The following EYS variants were observed in gnomAD, a reference collection of about 807,000 sequenced individuals.
The protein encoded by EYS is protein eyes shut homolog.
In EYS, 250 loss-of-function variants were observed where a neutral mutation model predicts 282.1. The ratio of observed to expected loss-of-function variants is 0.89; its 90% CI spans 0.80 to 0.98. EYS has a LOEUF of 0.98. EYS is among the 50% of genes least tolerant of loss of function. EYS has a pLI of 0.00. For synonymous variants in EYS, 1,355 were observed against 1,282.9 expected (o/e 1.06, Z -1.20); for missense variants, 4,016 against 3,709.0 (o/e 1.08, Z -2.15).
intron 13 of EYS, among the ~76,000 whole-genome samples, chr6:65,056,459 G>T (rs531656505): frequency 2.6e-5 from 4 of 151,828 alleles, no homozygotes; most frequent in Non-Finnish European, 5.9e-5. Context: ...TGATATGCTG[G>T]CATGCACCTG....
intron 33 of EYS, among the ~76,000 whole-genome samples, chr6:64,046,365 C>T (rs1312855996): frequency 6.7e-6 from 1 of 150,230 alleles, no homozygotes; most frequent in African/African-American, 2.4e-5. Flanking sequence ...TTATCTGTTT[C>T]TCTCTCTCTC....
intron 35 of EYS, among the ~76,000 whole-genome samples, chr6:63,951,525 A>G (rs1174198457): frequency 6.6e-6 from 1 of 151,642 alleles, no homozygotes; most frequent in African/African-American, 2.4e-5. Flanking sequence ...TTCCTTTTCT[A>G]CCGACCCATC....
chr6:63,748,527 T>C (rs555865141), intron 41 of EYS, among the ~76,000 whole-genome samples: 93 of 152,334 alleles, frequency 6.1e-4, no homozygotes, highest in Non-Finnish European at 1.2e-3. Flanking sequence ...GAGTCCCTCC[T>C]CATCAATTTT....
chr6:65,002,949 A>T lies in EYS; in HGVS notation c.2138-5246T>A, dbSNP rs543993069. Among the ~76,000 whole-genome samples the T allele has an allele frequency of 2.0e-5, 3 of 147,640 alleles. 1 individual carries two copies. Among genetic ancestry groups the T allele is most frequent in the East Asian group, 4.2e-4 (2 of 4,722 alleles). On this transcript the variant is annotated intron_variant, in intron 13 of 42. Transcript: ENST00000503581. Reference sequence around the variant, plus strand: ...TTTACTTCAATCTCTTAATCCTGTCAGCTGAGGAGGATGTATATCGCCTCA... The same window carrying T: ...TTTACTTCAATCTCTTAATCCTGTCTGCTGAGGAGGATGTATATCGCCTCA...
At chr6:64,649,663 T>G (rs1267004880) in intron 22 of EYS, among the ~76,000 whole-genome samples, 6 of 152,178 alleles carry the variant, frequency 3.9e-5, no homozygotes, top group Non-Finnish European at 7.4e-5. Flanking sequence ...ATAGAAATCA[T>G]AATTGCTTCT....
intron 22 of EYS, among the ~76,000 whole-genome samples, chr6:64,653,285 A>G (rs546774859): frequency 6.4e-4 from 97 of 152,308 alleles, no homozygotes; most frequent in Admixed American, 1.2e-3. Flanking sequence ...TTGATTTCAG[A>G]CTAGCACCAA....
At position 64,137,397 on chromosome 6, in the gene EYS, A is replaced by G. The variant is rs143683300; in HGVS notation, c.6425-55395T>C. ...CAAGATCTTTTCCTTTGCATTCACA[A>G]CTTGGCTAAGTAGTGCAAGAGACCT... On this transcript the variant is annotated intron_variant, in intron 31 of 42. Transcript: ENST00000503581. Among the ~76,000 whole-genome samples the G allele has an allele frequency of 2.0e-5, 3 of 152,236 alleles. No homozygotes were observed. In the East Asian group the frequency reaches 5.8e-4, roughly 29 times the overall value.
chr6:64,368,389 T>C (rs1279102111), intron 29 of EYS, among the ~76,000 whole-genome samples: 1 of 152,136 alleles, frequency 6.6e-6, no homozygotes, highest in African/African-American at 2.4e-5. Flanking sequence ...TTGTGAATAG[T>C]GCTGCGATAA....
intron 22 of EYS, among the ~76,000 whole-genome samples, chr6:64,786,228 A>C (rs1453758142): frequency 1.4e-5 from 2 of 145,244 alleles, no homozygotes; most frequent in East Asian, 4.0e-4. Context: ...CAGAGGGTTT[A>C]ATAGGCAAAA....
chr6:64,103,897 G>A lies in EYS; in HGVS notation c.6425-21895C>T, dbSNP rs527312164. 7.2e-4 allele frequency among the ~76,000 whole-genome samples: 109 copies of A among 152,278 alleles called. 1 individual carries two copies. The highest frequency in any genetic ancestry group is 2.6e-3 in the African/African-American group (108 of 41,572). ...AGACTTTCTGAGCTAGGAGAGACAGGACTTGGCAATGAGTATGTTGTGGGT... is the reference window on the plus strand; with the variant it reads ...AGACTTTCTGAGCTAGGAGAGACAGAACTTGGCAATGAGTATGTTGTGGGT... On this transcript the variant is annotated intron_variant, in intron 31 of 42. Transcript: ENST00000503581.
At chr6:64,390,737 G>T (rs531828030) in intron 28 of EYS, among the ~76,000 whole-genome samples, 1 of 150,352 alleles carries the variant, frequency 6.7e-6, no homozygotes, top group Non-Finnish European at 1.5e-5. Context: ...CCAAAGGAAC[G>T]CAGTTCCTCA....
At chr6:64,186,626 C>T (rs1436180655) in intron 31 of EYS, among the ~76,000 whole-genome samples, 1 of 152,062 alleles carries the variant, frequency 6.6e-6, no homozygotes, top group African/African-American at 2.4e-5. Flanking sequence ...ATCTTGTAAA[C>T]AGAAACAAAT....
At chr6:64,149,312 G>GT (rs1453747656) in intron 31 of EYS, among the ~76,000 whole-genome samples, 1 of 152,116 alleles carries the variant, frequency 6.6e-6, no homozygotes, top group African/African-American at 2.4e-5. Flanking sequence ...CTTTGTATAC[G>GT]TAACGACACA....
intron 12 of EYS, among the ~76,000 whole-genome samples, chr6:65,196,018 C>T (rs1291466505): frequency 1.3e-5 from 2 of 151,928 alleles, no homozygotes; most frequent in Non-Finnish European, 2.9e-5. Flanking sequence ...ATAATGAATG[C>T]CTTGACACAA....
chr6:64,683,269 G>T (rs1409785189), intron 22 of EYS, among the ~76,000 whole-genome samples: 1 of 152,080 alleles, frequency 6.6e-6, no homozygotes, highest in South Asian at 2.1e-4. Context: ...TTTGCACTGA[G>T]CTCATAAATG....
chr6:65,433,961 A>T (rs1038809635), intron 5 of EYS, among the ~76,000 whole-genome samples: 1 of 152,218 alleles, frequency 6.6e-6, no homozygotes, highest in Non-Finnish European at 1.5e-5. Flanking sequence ...AATGACAAAG[A>T]CCTCTATTTC....
intron 28 of EYS, among the ~76,000 whole-genome samples, chr6:64,432,470 C>A (rs1180926752): frequency 6.6e-6 from 1 of 151,072 alleles, no homozygotes; most frequent in Non-Finnish European, 1.5e-5. Context: ...TGGAAAAAGG[C>A]CCATAATACA....
intron 22 of EYS, among the ~76,000 whole-genome samples, chr6:64,643,576 C>CGGTTTGG (rs1768247718): frequency 6.6e-6 from 1 of 152,010 alleles, no homozygotes; most frequent in African/African-American, 2.4e-5. Flanking sequence ...CCACATATCC[C>CGGTTTGG]CTGATACGGT....
chr6:65,513,993 G>A (rs2127292879), intron 2 of EYS, among the ~76,000 whole-genome samples: 1 of 152,284 alleles, frequency 6.6e-6, no homozygotes, highest in East Asian at 1.9e-4. Context: ...AAAAGAGGAA[G>A]TCAAATTGTC....
Sources: allele counts gnomAD v4.1 joint callset (sites outside exome capture counted in the v4.1 genomes callset), GRCh38; gene constraint gnomAD v4.1.1; transcripts MANE v1.5; gene names NCBI Gene and HGNC (gene_info 2026-07-23, HGNC 2026-07-21).